SESTD1: variants seen among roughly 807,000 people sequenced by gnomAD.
SESTD1 encodes SEC14 domain and spectrin repeat-containing protein 1.
SESTD1 carries 43 observed loss-of-function variants against 101.7 expected under a neutral mutation model. The observed-to-expected ratio is 0.42, with a 90% CI of 0.33 to 0.55. The LOEUF is 0.55. Ranked by LOEUF, SESTD1 falls within the 20% of genes least tolerant of loss-of-function variation. The probability of loss-of-function intolerance (pLI) is 0.07; values close to 1 mark genes in which losing one functional copy is unlikely to be tolerated. For synonymous variants in SESTD1, 283 were observed against 286.8 expected (o/e 0.99, Z 0.13); for missense variants, 647 against 815.1 (o/e 0.79, Z 2.51).
chr2:179,118,347 C>G (rs990315585), intron 13 of SESTD1, among the ~76,000 whole-genome samples: 1 of 151,892 alleles, frequency 6.6e-6, no homozygotes, highest in Non-Finnish European at 1.5e-5. Flanking sequence ...ATAATATAAC[C>G]ATTTAAATTT....
At chr2:179,189,078 C>CT (rs1300942347) in intron 2 of SESTD1, among the ~76,000 whole-genome samples, 1 of 152,066 alleles carries the variant, frequency 6.6e-6, no homozygotes. Context: ...TCTGTAAAGC[C>CT]AGCATCATCC....
At chr2:179,225,667 G>A (rs924490796) in intron 1 of SESTD1, among the ~76,000 whole-genome samples, 4 of 152,134 alleles carry the variant, frequency 2.6e-5, no homozygotes, top group Admixed American at 6.5e-5. Flanking sequence ...AGATGGTATC[G>A]TCTAGGTGTC....
chr2:179,125,206 T>C (rs970584786), intron 10 of SESTD1, among the ~76,000 whole-genome samples: 2 of 152,204 alleles, frequency 1.3e-5, no homozygotes, highest in African/African-American at 2.4e-5. Flanking sequence ...ATCTGTTTCA[T>C]GAAACCCATT....
At chr2:179,185,682 T>TATATATAATATGGTATATTATATACA (rs1559134216) in intron 2 of SESTD1, among the ~76,000 whole-genome samples, 103 of 107,818 alleles carry the variant, frequency 9.6e-4, no homozygotes, top group African/African-American at 2.7e-3. Flanking sequence ...TATAGCATAT[T>TATATATAATATGGTATATTATATACA]ATATATAATA....
chr2:179,258,549 A>G (rs192008995), intron 1 of SESTD1, among the ~76,000 whole-genome samples: 2 of 152,366 alleles, frequency 1.3e-5, no homozygotes, highest in African/African-American at 4.8e-5. Context: ...TTTCTAAATG[A>G]TTCTGCAAAT....
chr2:179,138,629 A>C (rs2045207949), intron 9 of SESTD1, among the ~76,000 whole-genome samples: 1 of 152,126 alleles, frequency 6.6e-6, no homozygotes, highest in African/African-American at 2.4e-5. Flanking sequence ...TCAAAACTAT[A>C]CACAAAGGCA....
rs982163339 is a variant in SESTD1, at chr2:179,215,533, C to T, written c.-25-23667G>A. On this transcript the variant is annotated intron_variant, in intron 1 of 17. Transcript: ENST00000428443. ...AACCAAAAAAAAGTCCAGGACCAGA[C>T]GATTCACAGCCGAATTCTAACAGGG... Among the ~76,000 whole-genome samples the T allele has an allele frequency of 7.5e-5, 10 of 133,644 alleles. 3 individuals carry two copies. The East Asian group carries it at 8.0e-4, about 11-fold the overall frequency. The allele number at this position is 133,644 out of a possible 152,430, so 87.7% of individuals were successfully genotyped here.
At chr2:179,159,015 G>A (rs546291696) in intron 5 of SESTD1, among the ~76,000 whole-genome samples, 1 of 152,334 alleles carries the variant, frequency 6.6e-6, no homozygotes, top group African/African-American at 2.4e-5. Flanking sequence ...AGAAAGGGCA[G>A]AGTAGGCTGG....
intron 1 of SESTD1, among the ~76,000 whole-genome samples, chr2:179,230,049 C>T (rs1418873048): frequency 2.0e-5 from 3 of 147,208 alleles, no homozygotes; most frequent in Non-Finnish European, 4.5e-5. Context: ...TAATGAAAAG[C>T]ACCCCCAAAA....
At chr2:179,156,788 G>C (rs945926035) in intron 5 of SESTD1, among the ~76,000 whole-genome samples, 1 of 152,146 alleles carries the variant, frequency 6.6e-6, no homozygotes, top group Non-Finnish European at 1.5e-5. Flanking sequence ...TTACTCTGCT[G>C]ACTGTTCATT....
At chr2:179,163,240 T>G (rs2045772870) in intron 5 of SESTD1, among the ~76,000 whole-genome samples, 1 of 152,190 alleles carries the variant, frequency 6.6e-6, no homozygotes, top group Non-Finnish European at 1.5e-5. Flanking sequence ...TGTATTTGAC[T>G]TATGCTCATT....
chr2:179,161,071 C>T (rs980521829), intron 5 of SESTD1, among the ~76,000 whole-genome samples: 1 of 138,954 alleles, frequency 7.2e-6, no homozygotes, highest in African/African-American at 3.0e-5. Flanking sequence ...ACCACCATAC[C>T]TAGCTTTTTT....
chr2:179,196,917 G>A (rs1255439478), intron 1 of SESTD1, among the ~76,000 whole-genome samples: 3 of 152,184 alleles, frequency 2.0e-5, no homozygotes, highest in Admixed American at 6.5e-5. Context: ...TCCTCCAAAG[G>A]AACGCAGTTC....
intron 13 of SESTD1, 117 bp from the exon 14 acceptor site, chr2:179,117,730 G>T: frequency 1.5e-6 from 1 of 683,324 alleles, no homozygotes; most frequent in Non-Finnish European, 2.3e-6. Context: ...CCTAAACAAT[G>T]GAGAATGCAA....
At chr2:179,143,014 CTTAA>C (rs1403535588) in intron 9 of SESTD1, among the ~76,000 whole-genome samples, 4 of 152,078 alleles carry the variant, frequency 2.6e-5, no homozygotes, top group Admixed American at 1.3e-4. Flanking sequence ...GATTTATTTT[CTTAA>C]TTATTCAACA....
chr2:179,115,956 C>T (rs567241615), intron 15 of SESTD1, among the ~76,000 whole-genome samples: 1 of 152,076 alleles, frequency 6.6e-6, no homozygotes, highest in South Asian at 2.1e-4. Flanking sequence ...TCTGTTAAAA[C>T]GTGAACTCAT....
intron 1 of SESTD1, among the ~76,000 whole-genome samples, chr2:179,216,915 A>C (rs2046729201): frequency 6.9e-6 from 1 of 144,098 alleles, no homozygotes; most frequent in Non-Finnish European, 1.5e-5. Flanking sequence ...GGTGCTGGGA[A>C]AACTGACTAG....
At chr2:179,194,545 T>C (rs893628333) in intron 1 of SESTD1, among the ~76,000 whole-genome samples, 2 of 152,110 alleles carry the variant, frequency 1.3e-5, no homozygotes, top group African/African-American at 2.4e-5. Context: ...AAATCCCACA[T>C]ATGGTCTCTG....
intron 1 of SESTD1, among the ~76,000 whole-genome samples, chr2:179,197,218 A>G (rs1350520498): frequency 6.6e-6 from 1 of 152,114 alleles, no homozygotes; most frequent in Non-Finnish European, 1.5e-5. Context: ...AGCTATGGAA[A>G]ATGAAATGAA....
Sources: gnomAD v4.1 joint callset for allele counts (sites outside exome capture counted in the v4.1 genomes callset) on GRCh38, gnomAD v4.1.1 for gene constraint, MANE v1.5 for transcripts, NCBI Gene and HGNC (gene_info 2026-07-23, HGNC 2026-07-21) for gene names.